Variants in RARB observed in about 807,000 individuals in gnomAD.
The protein encoded by RARB is HBV-activated protein.
In RARB, 17 loss-of-function variants were observed where a neutral mutation model predicts 51.9. The observed-to-expected ratio is 0.33, with a 90% CI of 0.22 to 0.49. RARB has a LOEUF of 0.49. RARB is among the 20% of genes least tolerant of loss of function. The pLI is 0.99. For synonymous variants in RARB, 215 were observed against 195.4 expected (o/e 1.10, Z -0.84); for missense variants, 369 against 550.8 (o/e 0.67, Z 3.30).
At chr3:25,389,586 G>C (rs942884623) in intron 5 of RARB, among the ~76,000 whole-genome samples, 2 of 152,186 alleles carry the variant, frequency 1.3e-5, no homozygotes, top group African/African-American at 4.8e-5. Context: ...ACTTATAAGA[G>C]TAGAGGGCCA....
chr3:25,186,416 C>A (rs560420686), intron 5 of RARB, among the ~76,000 whole-genome samples: 1 of 151,992 alleles, frequency 6.6e-6, no homozygotes, highest in Non-Finnish European at 1.5e-5. Flanking sequence ...TATTCAGATT[C>A]GATTTCAACC....
At chr3:25,254,804 G>A (rs762504284) in intron 5 of RARB, among the ~76,000 whole-genome samples, 8 of 152,028 alleles carry the variant, frequency 5.3e-5, no homozygotes, top group South Asian at 2.1e-4. Context: ...ATATTTGGAC[G>A]GATATAAAAC....
At chr3:25,083,507 T>C (rs1231518845) in intron 3 of RARB, among the ~76,000 whole-genome samples, 4 of 152,190 alleles carry the variant, frequency 2.6e-5, no homozygotes, top group Non-Finnish European at 5.9e-5. Flanking sequence ...ATAGTTTGTA[T>C]TTGTCTGTTG....
At chr3:25,125,344 G>A (rs529207586) in intron 3 of RARB, among the ~76,000 whole-genome samples, 1 of 152,300 alleles carries the variant, frequency 6.6e-6, no homozygotes, top group South Asian at 2.1e-4. Context: ...CCACTAAGCA[G>A]CTGGTATTTA....
Position 25,561,776 on chromosome 3 carries a change from C to T in RARB, c.449-7982C>T, listed in dbSNP as rs114845626. On this transcript the variant is annotated intron_variant, in intron 3 of 7. Coordinates refer to ENST00000330688, the MANE Select transcript of RARB (RefSeq NM_000965.5). ...TAAAAGACAGTAGAAATGAAAGATC[C>T]GGCCATTATATTTTATCATGATAGA... Among the ~76,000 whole-genome samples, 1,283 of 152,096 alleles carry T rather than the reference C, an allele frequency of 8.4e-3. 20 individuals are homozygous for T. Among genetic ancestry groups the T allele is most frequent in the African/African-American group, 0.03 (1,232 of 41,464 alleles).
chr3:25,176,776 G>A (rs2125354929), intron 5 of RARB, among the ~76,000 whole-genome samples: 1 of 152,144 alleles, frequency 6.6e-6, no homozygotes, highest in South Asian at 2.1e-4. Flanking sequence ...AGCCTCTTTT[G>A]CACTCAAAAT....
At chr3:25,573,867 GGGTGGATTTGGGACAAATGGTT>G (rs1700811746) in intron 4 of RARB, among the ~76,000 whole-genome samples, 2 of 152,220 alleles carry the variant, frequency 1.3e-5, no homozygotes, top group African/African-American at 4.8e-5. Context: ...TCCCTAATTA[GGGTGGATTTGGGACAAATGGTT>G]GGGTCCCCGG....
intron 5 of RARB, among the ~76,000 whole-genome samples, chr3:25,351,840 G>C (rs2125457715): frequency 6.6e-6 from 1 of 152,228 alleles, no homozygotes; most frequent in East Asian, 1.9e-4. Context: ...AGGCCATCTG[G>C]CTAAGAGTGT....
chr3:24,948,069 T>A (rs986067457), intron 2 of RARB, among the ~76,000 whole-genome samples: 2 of 152,174 alleles, frequency 1.3e-5, no homozygotes, highest in African/African-American at 4.8e-5. Context: ...CACATGAGCC[T>A]TTTCTGGCCA....
chr3:25,248,061 C>G (rs1427587847), intron 5 of RARB, among the ~76,000 whole-genome samples: 2 of 152,142 alleles, frequency 1.3e-5, no homozygotes, highest in East Asian at 3.9e-4. Context: ...GCTCTGGTGT[C>G]GGATGAATAT....
At chr3:25,199,136 C>G (rs1701326864) in intron 5 of RARB, among the ~76,000 whole-genome samples, 1 of 152,072 alleles carries the variant, frequency 6.6e-6, no homozygotes, top group Non-Finnish European at 1.5e-5. Flanking sequence ...GAGATCCTGT[C>G]ATTTGCAACA....
At chr3:25,290,739 C>G (rs2125421558) in intron 5 of RARB, among the ~76,000 whole-genome samples, 1 of 152,148 alleles carries the variant, frequency 6.6e-6, no homozygotes, top group East Asian at 1.9e-4. Flanking sequence ...CCTGGGCTGT[C>G]TTTCCTCTCT....
chr3:25,579,751 C>T (rs1701089637), intron 4 of RARB, among the ~76,000 whole-genome samples: 1 of 152,212 alleles, frequency 6.6e-6, no homozygotes. Context: ...ATGTTGATAG[C>T]TGTACCCACT....
chr3:25,128,292 CCTT>C (rs1207093082), intron 3 of RARB, among the ~76,000 whole-genome samples: 1 of 151,824 alleles, frequency 6.6e-6, no homozygotes, highest in Non-Finnish European at 1.5e-5. Flanking sequence ...TCCTAAACCT[CCTT>C]ATTTTCAGCT....
chr3:25,293,317 T>A (rs1481394907), intron 5 of RARB, among the ~76,000 whole-genome samples: 2 of 152,168 alleles, frequency 1.3e-5, no homozygotes, highest in African/African-American at 4.8e-5. Context: ...TTGTCATTTG[T>A]AAGATGAGGC....
intron 3 of RARB, among the ~76,000 whole-genome samples, chr3:25,538,521 C>T (rs1465434133): frequency 6.6e-6 from 1 of 152,092 alleles, no homozygotes; most frequent in Non-Finnish European, 1.5e-5. Flanking sequence ...GTCCATGGAC[C>T]AGAGATGTTT....
At chr3:25,592,292 T>C (rs1336022797) in intron 5 of RARB, among the ~76,000 whole-genome samples, 2 of 152,220 alleles carry the variant, frequency 1.3e-5, no homozygotes, top group African/African-American at 2.4e-5. Context: ...CCAGTCAAAT[T>C]GAATGCCATT....
At position 24,841,092 on chromosome 3, in the gene RARB, T is replaced by A. The variant is rs562456041; in HGVS notation, c.-459+11689T>A. ...CATTAAAATATTTTTTGGCTGTAGATAAGTGTCCAGGAGATGCTGTAAAAC... is the reference window on the plus strand; with the variant it reads ...CATTAAAATATTTTTTGGCTGTAGAAAAGTGTCCAGGAGATGCTGTAAAAC... On this transcript the variant is annotated intron_variant, in intron 1 of 11. Transcript: ENST00000383772. Among the ~76,000 whole-genome samples, 31 of 152,310 alleles carry A rather than the reference T, an allele frequency of 2.0e-4. 1 individual carries two copies. Among genetic ancestry groups the A allele is most frequent in the African/African-American group, 7.5e-4 (31 of 41,558 alleles).
intron 3 of RARB, among the ~76,000 whole-genome samples, chr3:25,096,269 G>A (rs1220340380): frequency 1.3e-5 from 2 of 152,096 alleles, no homozygotes; most frequent in African/African-American, 4.8e-5. Flanking sequence ...ATTCCAGGAT[G>A]TTGAATTAGG....
Sources: allele counts gnomAD v4.1 joint callset (sites outside exome capture counted in the v4.1 genomes callset), GRCh38; gene constraint gnomAD v4.1.1; transcripts MANE v1.5; gene names NCBI Gene and HGNC (gene_info 2026-07-23, HGNC 2026-07-21).